CCAR1: variants seen among roughly 807,000 people sequenced by gnomAD.
CCAR1 encodes the protein cell division cycle and apoptosis regulator 1.
Under a neutral mutation model 163.8 loss-of-function variants are expected in CCAR1, and 78 were observed. The ratio of observed to expected loss-of-function variants is 0.48; its 90% CI spans 0.40 to 0.57. The LOEUF (loss-of-function observed/expected upper bound fraction) is 0.57, where lower values mean the gene tolerates loss of function less well. Ranked by LOEUF, CCAR1 falls within the 20% of genes least tolerant of loss-of-function variation. CCAR1 has a pLI of 0.00. For missense variants in CCAR1, 1,019 were observed against 1,365.2 expected, an observed-to-expected ratio of 0.75 and a Z score of 4.00; for synonymous variants, 443 against 460.7, an observed-to-expected ratio of 0.96 and a Z score of 0.49.
In CCAR1 at chr10:68,791,538, A is replaced by G. The variant is rs1298028210; in HGVS notation, c.*272A>G. The G allele has an allele frequency of 4.7e-6, 1 of 212,606 alleles. No individual in the cohort carries two copies. The highest frequency in any genetic ancestry group is 2.3e-5 in the African/African-American group (1 of 43,568). 13.2% of individuals were successfully genotyped at this position (212,606 alleles called of 1,614,324 possible). ...TTTGTTATAGTTTTAACTCCAATAA[A>G]GTTCATCAGTTTAATTGACTGTAGT... On this transcript the variant is annotated 3_prime_UTR_variant, in exon 25 of 25. Coordinates refer to ENST00000265872, the MANE Select transcript of CCAR1 (RefSeq NM_018237.4).
At chr10:68,786,939 G>T (rs918038207) in intron 21 of CCAR1, 12 of 297,132 alleles carry the variant, frequency 4.0e-5, no homozygotes, top group South Asian at 1.7e-4. Flanking sequence ...GCAAAAATTA[G>T]CTGGGTGTGG....
At position 68,791,272 on chromosome 10, in the gene CCAR1, T is replaced by G. The variant is rs749020177; in HGVS notation, c.*6T>G. 5.1e-6 allele frequency: 8 copies of G among 1,579,868 alleles called. No homozygotes were observed. The South Asian group carries it at 9.1e-5, about 18-fold the overall frequency. On this transcript the variant is annotated 3_prime_UTR_variant, in exon 25 of 25. Transcript: ENST00000265872. The stretch of plus-strand genomic sequence containing the variant: ...AGAATGGTGCCAGTGTATGATAAAA[T>G]CCATGTAGTGATGAGGAATGGTGTT...
chr10:68,772,490 A>G (rs2056615631), intron 18 of CCAR1, among the ~76,000 whole-genome samples: 1 of 151,850 alleles, frequency 6.6e-6, no homozygotes, highest in Non-Finnish European at 1.5e-5. Context: ...CTCAAAAAAA[A>G]CAAAAAAAAA....
At chr10:68,790,864 C>G (rs940476272) in intron 24 of CCAR1, among the ~76,000 whole-genome samples, 4 of 111,246 alleles carry the variant, frequency 3.6e-5, no homozygotes, top group African/African-American at 1.3e-4. Flanking sequence ...GACTCTGTCT[C>G]AAAAAAAAAA....
intron 2 of CCAR1, among the ~76,000 whole-genome samples, chr10:68,736,167 T>G (rs952692016): frequency 1.3e-5 from 2 of 152,188 alleles, no homozygotes; most frequent in Non-Finnish European, 2.9e-5. Context: ...TTAGTCTTTT[T>G]CAAAATTAGA....
At chr10:68,786,115 A>T (rs1469182574) in intron 19 of CCAR1, 21 bp from the exon 20 acceptor site, 1 of 1,554,372 alleles carries the variant, frequency 6.4e-7, no homozygotes, top group Admixed American at 1.7e-5. Flanking sequence ...CTTTTTTGCC[A>T]CTGTTATATT....
chr10:68,770,636 G>A (rs550299075), intron 17 of CCAR1, among the ~76,000 whole-genome samples: 42 of 152,194 alleles, frequency 2.8e-4, no homozygotes, highest in Non-Finnish European at 5.3e-4. Context: ...TCAGCCACCC[G>A]GGAGACTGAG....
chr10:68,789,938 C>T lies in CCAR1; in HGVS notation c.3393+23C>T, dbSNP rs2056835295. On this transcript the variant is annotated intron_variant, in intron 24 of 24. Transcript: ENST00000265872. Reference sequence around the variant, plus strand: ...AAGGTGAGAAATTTTGTACTTTTAACATTTTCTTAGTTTTAAAAATCTAAC... The same window carrying T: ...AAGGTGAGAAATTTTGTACTTTTAATATTTTCTTAGTTTTAAAAATCTAAC... The T allele has an allele frequency of 2.8e-6, 4 of 1,436,826 alleles. No homozygotes were observed. In the South Asian group the frequency reaches 4.0e-5, roughly 14 times the overall value. The allele number at this position is 1,436,826 out of a possible 1,614,324, so 89.0% of individuals were successfully genotyped here.
chr10:68,778,295 A>G (rs1161548659), intron 19 of CCAR1, among the ~76,000 whole-genome samples: 1 of 152,206 alleles, frequency 6.6e-6, no homozygotes, highest in Admixed American at 6.5e-5. Flanking sequence ...TACATCTCTT[A>G]ACCCCTCTTC....
At chr10:68,741,247 T>G (rs187494775) in intron 5 of CCAR1, among the ~76,000 whole-genome samples, 4 of 152,230 alleles carry the variant, frequency 2.6e-5, no homozygotes, top group Admixed American at 1.3e-4. Flanking sequence ...AATACTGATT[T>G]TTCATTGATA....
intron 6 of CCAR1, among the ~76,000 whole-genome samples, chr10:68,744,006 C>A (rs1011993159): frequency 6.6e-6 from 1 of 152,120 alleles, no homozygotes; most frequent in Non-Finnish European, 1.5e-5. Flanking sequence ...GCCTCGGCCT[C>A]CTAAAGTGCT....
At chr10:68,735,371 C>CTTTTT (rs34103994) in intron 2 of CCAR1, among the ~76,000 whole-genome samples, 1 of 115,416 alleles carries the variant, frequency 8.7e-6, no homozygotes, top group Non-Finnish European at 1.7e-5. Flanking sequence ...CGTTTTTGTG[C>CTTTTT]TTTTTTTTTT....
chr10:68,750,326 A>C (rs1315546515), intron 10 of CCAR1, among the ~76,000 whole-genome samples: 1 of 148,390 alleles, frequency 6.7e-6, no homozygotes, highest in African/African-American at 2.5e-5. Flanking sequence ...GGTTCAAGCT[A>C]TTCTCCTGCC....
intron 2 of CCAR1, among the ~76,000 whole-genome samples, chr10:68,734,191 T>A (rs2056078204): frequency 6.6e-6 from 1 of 152,168 alleles, no homozygotes; most frequent in Non-Finnish European, 1.5e-5. Flanking sequence ...TCATTAAAGC[T>A]CTTTATTCTG....
chr10:68,773,205 A>G (rs2056624458), intron 19 of CCAR1, 106 bp downstream of exon 19: 3 of 614,898 alleles, frequency 4.9e-6, no homozygotes, highest in South Asian at 4.0e-5. Context: ...TTTCTTTAGA[A>G]TAGAAAGAGT....
intron 5 of CCAR1, among the ~76,000 whole-genome samples, chr10:68,741,297 C>T (rs1020500549): frequency 4.6e-5 from 7 of 152,058 alleles, no homozygotes; most frequent in African/African-American, 1.7e-4. Context: ...GATTTCTGCA[C>T]GTTTTTTCCA....
In CCAR1 at chr10:68,791,292, G is replaced by A. The variant is rs1204963303; in HGVS notation, c.*26G>A. 4 of 1,476,024 alleles carry A rather than the reference G, an allele frequency of 2.7e-6. No individual in the cohort carries two copies. Among genetic ancestry groups the A allele is most frequent in the Non-Finnish European group, 3.7e-6 (4 of 1,074,808 alleles). 91.4% of individuals were successfully genotyped at this position (1,476,024 alleles called of 1,614,324 possible). A position where few individuals can be genotyped will look rare whatever the true frequency, so the allele number is the denominator to read the frequency against. Reference sequence around the variant, plus strand: ...TAAAATCCATGTAGTGATGAGGAATGGTGTTAAATAATGTAATATATAAAA... The same window carrying A: ...TAAAATCCATGTAGTGATGAGGAATAGTGTTAAATAATGTAATATATAAAA... On this transcript the variant is annotated 3_prime_UTR_variant, in exon 25 of 25. Coordinates refer to ENST00000265872, the MANE Select transcript of CCAR1 (RefSeq NM_018237.4).
intron 2 of CCAR1, among the ~76,000 whole-genome samples, chr10:68,724,528 G>T (rs965788860): frequency 6.6e-6 from 1 of 151,994 alleles, no homozygotes; most frequent in South Asian, 2.1e-4. Context: ...GGGCTCACGC[G>T]ATCCTCCCAT....
intron 2 of CCAR1, among the ~76,000 whole-genome samples, chr10:68,734,665 A>G (rs1467870542): frequency 6.6e-6 from 1 of 152,140 alleles, no homozygotes; most frequent in African/African-American, 2.4e-5. Context: ...TACTTAACGC[A>G]GTTACGTAAA....
Sources: allele counts gnomAD v4.1 joint callset (sites outside exome capture counted in the v4.1 genomes callset), GRCh38; gene constraint gnomAD v4.1.1; transcripts MANE v1.5; gene names NCBI Gene and HGNC (gene_info 2026-07-23, HGNC 2026-07-21).